The following KANSL1 variants were observed in gnomAD, a reference collection of about 807,000 sequenced individuals.
The protein encoded by KANSL1 is KAT8 regulatory NSL complex subunit 1.
A neutral mutation model predicts 103.6 loss-of-function variants in KANSL1; 22 were observed. The observed-to-expected ratio is 0.21, with a 90% CI of 0.15 to 0.30. The LOEUF is 0.30. KANSL1 is among the 10% of genes least tolerant of loss of function. The probability of loss-of-function intolerance (pLI) is 1.00; values close to 1 mark genes in which losing one functional copy is unlikely to be tolerated. For synonymous variants in KANSL1, 600 were observed against 527.6 expected (o/e 1.14, Z -1.88); for missense variants, 1,337 against 1,399.8 (o/e 0.96, Z 0.72).
At chr17:46,206,039 T>C (rs946761616) in intron 1 of KANSL1, among the ~76,000 whole-genome samples, 1 of 145,740 alleles carries the variant, frequency 6.9e-6, no homozygotes, top group African/African-American at 2.6e-5. Flanking sequence ...ATTGCATTAC[T>C]GTACTTCACT....
intron 1 of KANSL1, among the ~76,000 whole-genome samples, chr17:46,185,978 A>C (rs1340592776): frequency 3.3e-5 from 5 of 152,210 alleles, no homozygotes; most frequent in Non-Finnish European, 7.3e-5. Context: ...GACAGAGGAA[A>C]AAAAAATCAT....
intron 1 of KANSL1, among the ~76,000 whole-genome samples, chr17:46,189,839 G>A (rs984600699): frequency 4.0e-5 from 6 of 148,942 alleles, no homozygotes; most frequent in Admixed American, 2.1e-4. Context: ...CCTGGGAGGC[G>A]GAGACTGCAA....
At chr17:46,148,719 T>C (rs1262773248) in intron 2 of KANSL1, among the ~76,000 whole-genome samples, 2 of 151,992 alleles carry the variant, frequency 1.3e-5, no homozygotes, top group Non-Finnish European at 2.9e-5. Context: ...CCTGAACAGC[T>C]GGGTACAAGC....
intron 1 of KANSL1, among the ~76,000 whole-genome samples, chr17:46,213,035 G>A (rs1409743410): frequency 6.6e-6 from 1 of 152,158 alleles, no homozygotes; most frequent in Non-Finnish European, 1.5e-5. Flanking sequence ...CAAACTTTCT[G>A]TGGAAAACCA....
chr17:46,046,720 C>T (rs927701996), intron 7 of KANSL1, among the ~76,000 whole-genome samples: 2 of 151,092 alleles, frequency 1.3e-5, no homozygotes, highest in African/African-American at 4.9e-5. Flanking sequence ...GCCTGTAGTC[C>T]CAGCTACTCA....
chr17:46,124,899 A>T (rs1367207799), intron 2 of KANSL1, among the ~76,000 whole-genome samples: 1 of 151,892 alleles, frequency 6.6e-6, no homozygotes, highest in Non-Finnish European at 1.5e-5. Context: ...TGGATAACTG[A>T]GAGGTTCAAG....
intron 1 of KANSL1, among the ~76,000 whole-genome samples, chr17:46,185,690 T>TACACAC (rs1285810639): frequency 5.9e-4 from 39 of 66,010 alleles, no homozygotes; most frequent in South Asian, 1.7e-3. Context: ...CACACACATA[T>TACACAC]ATACACACAC....
At chr17:46,165,004 G>A (rs1156785292) in intron 2 of KANSL1, among the ~76,000 whole-genome samples, 2 of 152,194 alleles carry the variant, frequency 1.3e-5, no homozygotes, top group Non-Finnish European at 2.9e-5. Flanking sequence ...TTACTCCTGA[G>A]GCTGAGGCAG....
chr17:46,124,757 G>C (rs1006144348), intron 2 of KANSL1, among the ~76,000 whole-genome samples: 1 of 151,946 alleles, frequency 6.6e-6, no homozygotes, highest in Non-Finnish European at 1.5e-5. Flanking sequence ...GACATTGCTC[G>C]AAAAAGTAAC....
intron 7 of KANSL1, chr17:46,042,841 T>G (rs1369253130): frequency 6.7e-6 from 1 of 150,372 alleles, no homozygotes; most frequent in Non-Finnish European, 1.5e-5. Flanking sequence ...TCCCAGTGGG[T>G]AAGCACCCTC....
Position 46,144,841 on chromosome 17 carries a change from C to T in KANSL1, c.1289+26014G>A, listed in dbSNP as rs143201872. The stretch of plus-strand genomic sequence containing the variant: ...TATTAACCTTCCCAGGCCAAACTTA[C>T]GACTACACCTTTTCCACACGAAATG... On this transcript the variant is annotated intron_variant, in intron 2 of 14. Coordinates refer to ENST00000432791, the MANE Select transcript of KANSL1 (RefSeq NM_015443.4). Among the ~76,000 whole-genome samples, 5 of 152,296 alleles carry T rather than the reference C, an allele frequency of 3.3e-5. No individual in the cohort carries two copies. In the East Asian group the frequency reaches 5.8e-4, roughly 18 times the overall value.
rs2044641553 is a variant in KANSL1, at chr17:46,145,290, C to A, written c.1289+25565G>T. The stretch of plus-strand genomic sequence containing the variant: ...TCCAACTCACTCTCTATGGGCCCAT[C>A]CCATATTTCAACTACAGGTATACCT... On this transcript the variant is annotated intron_variant, in intron 2 of 14. Coordinates refer to ENST00000432791, the MANE Select transcript of KANSL1 (RefSeq NM_015443.4). 2.0e-5 allele frequency among the ~76,000 whole-genome samples: 3 copies of A among 152,352 alleles called. No homozygotes were observed. In the South Asian group the frequency reaches 6.2e-4, roughly 32 times the overall value.
chr17:46,110,881 C>T (rs886740161), intron 2 of KANSL1, among the ~76,000 whole-genome samples: 2 of 152,092 alleles, frequency 1.3e-5, no homozygotes, highest in African/African-American at 4.8e-5. Context: ...AAGCTATGTC[C>T]TAGATACAAA....
upstream of KANSL1, among the ~76,000 whole-genome samples, chr17:46,224,018 G>A (rs1439579473): frequency 3.3e-5 from 5 of 151,710 alleles, no homozygotes; most frequent in African/African-American, 9.7e-5. Flanking sequence ...TATGTAACAC[G>A]TATTTTAGAT....
intron 4 of KANSL1, among the ~76,000 whole-genome samples, chr17:46,068,223 CAG>C (rs1242435564): frequency 6.6e-6 from 1 of 152,124 alleles, no homozygotes; most frequent in Non-Finnish European, 1.5e-5. Context: ...TTAACTCTAA[CAG>C]AGTATGCTAG....
At chr17:46,112,878 C>A (rs751074984) in intron 2 of KANSL1, among the ~76,000 whole-genome samples, 1 of 152,026 alleles carries the variant, frequency 6.6e-6, no homozygotes, top group African/African-American at 2.4e-5. Context: ...TGCGCCATCA[C>A]GCCGGGCTAA....
intron 2 of KANSL1, 45 bp downstream of exon 2, chr17:46,170,810 T>C: frequency 6.6e-7 from 1 of 1,516,392 alleles, no homozygotes. Context: ...TTCTTCCTTG[T>C]GCCAACATTT....
intron 4 of KANSL1, among the ~76,000 whole-genome samples, chr17:46,074,256 A>C (rs546492301): frequency 6.6e-6 from 1 of 152,326 alleles, no homozygotes; most frequent in South Asian, 2.1e-4. Flanking sequence ...CCCAATACCC[A>C]AAGTTGAGAT....
chr17:46,057,062 T>G (rs532699032), intron 6 of KANSL1, among the ~76,000 whole-genome samples: 19 of 152,226 alleles, frequency 1.2e-4, no homozygotes, highest in African/African-American at 4.6e-4. Context: ...CCATTAAATA[T>G]TAGTGGTGAG....
Sources: allele counts gnomAD v4.1 joint callset (sites outside exome capture counted in the v4.1 genomes callset), GRCh38; gene constraint gnomAD v4.1.1; transcripts MANE v1.5; gene names NCBI Gene and HGNC (gene_info 2026-07-23, HGNC 2026-07-21).